ROBO1: variants seen among roughly 807,000 people sequenced by gnomAD.
ROBO1 encodes roundabout guidance receptor 1, also known as roundabout homolog 1.
Under a neutral mutation model 195.9 loss-of-function variants are expected in ROBO1, and 149 were observed. That is an observed-to-expected ratio of 0.76 (90% CI 0.67 to 0.87). The LOEUF (loss-of-function observed/expected upper bound fraction) is 0.87. Among genes scored for constraint, ROBO1 ranks in the 40% least tolerant of loss-of-function variants. ROBO1 has a pLI of 0.00. For synonymous variants in ROBO1, 816 were observed against 733.2 expected, an observed-to-expected ratio of 1.11 and a Z score of -1.82; for missense variants, 1,933 against 2,068.3, an observed-to-expected ratio of 0.93 and a Z score of 1.27.
chr3:79,115,972 G>A (rs879731961), intron 3 of ROBO1, among the ~76,000 whole-genome samples: 1 of 152,156 alleles, frequency 6.6e-6, no homozygotes, highest in Admixed American at 6.6e-5. Context: ...AAAATATTCA[G>A]TAGATTCAGT....
intron 2 of ROBO1, among the ~76,000 whole-genome samples, chr3:79,257,944 T>C (rs1258671687): frequency 6.6e-6 from 1 of 152,112 alleles, no homozygotes; most frequent in Non-Finnish European, 1.5e-5. Context: ...CAACTGGAAG[T>C]AATATTTTGG....
At chr3:79,727,709 C>CATGT (rs1392607910) in intron 1 of ROBO1, among the ~76,000 whole-genome samples, 2 of 152,082 alleles carry the variant, frequency 1.3e-5, no homozygotes, top group African/African-American at 4.8e-5. Context: ...TTTAAAAAAT[C>CATGT]ATGTATTTTA....
At chr3:79,692,006 A>G (rs1422260217) in intron 1 of ROBO1, among the ~76,000 whole-genome samples, 1 of 151,858 alleles carries the variant, frequency 6.6e-6, no homozygotes, top group Non-Finnish European at 1.5e-5. Flanking sequence ...TAATTTTTAT[A>G]GAGGAAGTAC....
chr3:79,178,275 C>G (rs914219036), intron 2 of ROBO1, among the ~76,000 whole-genome samples: 3 of 152,068 alleles, frequency 2.0e-5, no homozygotes, highest in Non-Finnish European at 4.4e-5. Context: ...TTTAGAGAAT[C>G]TGAAGTATGT....
intron 1 of ROBO1, among the ~76,000 whole-genome samples, chr3:79,755,829 T>G (rs901412626): frequency 1.3e-5 from 2 of 152,138 alleles, no homozygotes; most frequent in Non-Finnish European, 2.9e-5. Flanking sequence ...CAGCACACAT[T>G]TTTGTCACTG....
chr3:79,424,431 A>G (rs2038360696), intron 2 of ROBO1, among the ~76,000 whole-genome samples: 1 of 34,252 alleles, frequency 2.9e-5, no homozygotes, highest in African/African-American at 1.2e-4. Flanking sequence ...ATCATATCAT[A>G]TATATATATA....
At chr3:78,905,263 C>T (rs984549436) in intron 4 of ROBO1, among the ~76,000 whole-genome samples, 6 of 151,978 alleles carry the variant, frequency 3.9e-5, no homozygotes, top group Admixed American at 1.3e-4. Context: ...TCTAAGACTA[C>T]GCTGGGATAC....
chr3:79,015,039 T>C (rs754693168), intron 3 of ROBO1, among the ~76,000 whole-genome samples: 3 of 152,196 alleles, frequency 2.0e-5, no homozygotes, highest in East Asian at 1.9e-4. Flanking sequence ...CACTTTAAAT[T>C]ACATAAGAAT....
At chr3:79,041,833 C>A (rs1263848344) in intron 3 of ROBO1, among the ~76,000 whole-genome samples, 1 of 152,140 alleles carries the variant, frequency 6.6e-6, no homozygotes, top group African/African-American at 2.4e-5. Context: ...ATGTGAAGCC[C>A]TATCATGGCC....
intron 5 of ROBO1, among the ~76,000 whole-genome samples, chr3:78,742,038 T>TA (rs906777218): frequency 2.5e-4 from 38 of 151,974 alleles, no homozygotes; most frequent in African/African-American, 8.4e-4. Flanking sequence ...ATTAAGAACT[T>TA]AAAAAAAATA....
At chr3:78,827,386 T>C (rs2031719977) in intron 4 of ROBO1, among the ~76,000 whole-genome samples, 1 of 152,172 alleles carries the variant, frequency 6.6e-6, no homozygotes, top group Non-Finnish European at 1.5e-5. Flanking sequence ...AACTTACAAA[T>C]GTAGTTCAAT....
At chr3:79,101,266 T>C (rs890209028) in intron 3 of ROBO1, among the ~76,000 whole-genome samples, 1 of 151,794 alleles carries the variant, frequency 6.6e-6, no homozygotes, top group Non-Finnish European at 1.5e-5. Context: ...CCAAGCCATG[T>C]TTGAGAACAA....
chr3:78,760,141 G>A (rs1055645604), intron 4 of ROBO1, among the ~76,000 whole-genome samples: 7 of 152,148 alleles, frequency 4.6e-5, no homozygotes, highest in South Asian at 2.1e-4. Flanking sequence ...CTTTTCCGCC[G>A]CTATGTGAGA....
intron 1 of ROBO1, among the ~76,000 whole-genome samples, chr3:79,600,757 T>C (rs1296032184): frequency 6.6e-6 from 1 of 151,954 alleles, no homozygotes; most frequent in Non-Finnish European, 1.5e-5. Context: ...TAAATACTAA[T>C]GTCTGATGAG....
At chr3:79,662,903 T>C (rs1279775996) in intron 1 of ROBO1, among the ~76,000 whole-genome samples, 3 of 151,994 alleles carry the variant, frequency 2.0e-5, no homozygotes, top group Admixed American at 6.6e-5. Flanking sequence ...ACAAGGTCTT[T>C]TGACAGAACT....
At chr3:79,376,615 C>T (rs2036395148) in intron 2 of ROBO1, among the ~76,000 whole-genome samples, 1 of 152,080 alleles carries the variant, frequency 6.6e-6, no homozygotes. Context: ...CGCTTTCTTG[C>T]CTGCCACCAT....
At chr3:78,730,790 C>T (rs145284683) in intron 5 of ROBO1, among the ~76,000 whole-genome samples, 2 of 152,224 alleles carry the variant, frequency 1.3e-5, no homozygotes, top group East Asian at 3.9e-4. Flanking sequence ...ATAAATAAAT[C>T]CCATATCTTC....
chr3:79,636,619 G>C (rs1418918753), intron 1 of ROBO1, among the ~76,000 whole-genome samples: 3 of 152,124 alleles, frequency 2.0e-5, no homozygotes, highest in Non-Finnish European at 4.4e-5. Context: ...AAGACATTGA[G>C]AGAACAAGGC....
At chr3:78,985,676 G>A (rs982359824) in intron 3 of ROBO1, among the ~76,000 whole-genome samples, 3 of 152,174 alleles carry the variant, frequency 2.0e-5, no homozygotes, top group African/African-American at 7.2e-5. Context: ...CCTGGTGGCA[G>A]AGTTGTAACA....
Sources: gnomAD v4.1 joint callset for allele counts (sites outside exome capture counted in the v4.1 genomes callset) on GRCh38, gnomAD v4.1.1 for gene constraint, MANE v1.5 for transcripts, NCBI Gene and HGNC (gene_info 2026-07-23, HGNC 2026-07-21) for gene names.